The following SLC12A8 variants were observed in gnomAD, a reference collection of about 807,000 sequenced individuals.
SLC12A8 encodes the protein solute carrier family 12 member 8.
In SLC12A8, 69 loss-of-function variants were observed where a neutral mutation model predicts 75.6. The ratio of observed to expected loss-of-function variants is 0.91; its 90% CI spans 0.75 to 1.11. The LOEUF (loss-of-function observed/expected upper bound fraction) is 1.11. Among genes scored for constraint, SLC12A8 ranks in the 50% most tolerant of loss-of-function variants. The probability of loss-of-function intolerance (pLI) is 0.00; values close to 1 mark genes in which losing one functional copy is unlikely to be tolerated. For synonymous variants in SLC12A8, 365 were observed against 372.8 expected, an observed-to-expected ratio of 0.98 and a Z score of 0.24; for missense variants, 877 against 896.7, an observed-to-expected ratio of 0.98 and a Z score of 0.28.
intron 2 of SLC12A8, among the ~76,000 whole-genome samples, chr3:125,207,682 A>G (rs1392985515): frequency 6.6e-6 from 1 of 152,200 alleles, no homozygotes; most frequent in Non-Finnish European, 1.5e-5. Context: ...TTCTCCTGCC[A>G]ACGCAGTCTT....
At chr3:125,099,291 T>G (rs1329039857) in intron 10 of SLC12A8, among the ~76,000 whole-genome samples, 2 of 152,132 alleles carry the variant, frequency 1.3e-5, no homozygotes, top group Admixed American at 6.5e-5. Flanking sequence ...GATGCCACAG[T>G]TGAAATCCAG....
At chr3:125,189,413 C>CCGTG (rs561318672) in intron 3 of SLC12A8, among the ~76,000 whole-genome samples, 72 of 152,334 alleles carry the variant, frequency 4.7e-4, no homozygotes, top group African/African-American at 1.6e-3. Context: ...GTCCAGCTCA[C>CCGTG]CCTTCAAAGC....
At chr3:125,162,653 G>T (rs541855088) in intron 5 of SLC12A8, among the ~76,000 whole-genome samples, 67 of 152,168 alleles carry the variant, frequency 4.4e-4, no homozygotes, top group Non-Finnish European at 7.4e-4. Flanking sequence ...CCTATGTTGC[G>T]CTTGGACCTA....
intron 5 of SLC12A8, 52 bp downstream of exon 5, chr3:125,177,691 T>C: frequency 6.8e-7 from 1 of 1,469,276 alleles, no homozygotes; most frequent in Non-Finnish European, 9.5e-7. Flanking sequence ...TACAAACATC[T>C]CTAAAGCAGT....
intron 5 of SLC12A8, among the ~76,000 whole-genome samples, chr3:125,171,209 A>AAGGTAAAAATTAGGCCG (rs1934399787): frequency 3.6e-5 from 2 of 55,226 alleles, no homozygotes; most frequent in East Asian, 4.2e-4. Context: ...CTCCATTGAA[A>AAGGTAAAAATTAGGCCG]GATATCATCT....
intron 6 of SLC12A8, among the ~76,000 whole-genome samples, chr3:125,126,938 T>C (rs1376260361): frequency 6.6e-6 from 1 of 152,138 alleles, no homozygotes; most frequent in Non-Finnish European, 1.5e-5. Flanking sequence ...TTGGTGGCAA[T>C]GTGGCTCTGA....
chr3:125,180,337 C>A (rs1288696971), intron 4 of SLC12A8, among the ~76,000 whole-genome samples: 4 of 152,110 alleles, frequency 2.6e-5, no homozygotes, highest in Non-Finnish European at 5.9e-5. Flanking sequence ...ATGATAGTAA[C>A]CTTCAAAAGG....
chr3:125,129,477 G>C (rs11716082), intron 6 of SLC12A8, among the ~76,000 whole-genome samples: 35,004 of 151,436 alleles, frequency 0.23, 4,600 homozygotes, highest in African/African-American at 0.35. Flanking sequence ...GTGCAGTGAG[G>C]GGGCAGGGGG....
chr3:125,118,728 C>A, intron 8 of SLC12A8, 41 bp downstream of exon 8: 1 of 1,484,658 alleles, frequency 6.7e-7, no homozygotes, highest in South Asian at 1.2e-5. Flanking sequence ...ATAAATGACT[C>A]CGGCAGACTG....
intron 8 of SLC12A8, among the ~76,000 whole-genome samples, chr3:125,115,006 C>G (rs816154): frequency 0.02 from 3,003 of 152,072 alleles, 42 homozygotes; most frequent in Non-Finnish European, 0.029. Flanking sequence ...AAAATGTGTT[C>G]CTAAAATAAA....
At chr3:125,177,500 A>T (rs538558588) in intron 5 of SLC12A8, among the ~76,000 whole-genome samples, 1 of 152,196 alleles carries the variant, frequency 6.6e-6, no homozygotes, top group South Asian at 2.1e-4. Flanking sequence ...AATATACATT[A>T]AAAAAAGAAA....
intron 2 of SLC12A8, among the ~76,000 whole-genome samples, chr3:125,207,896 T>C (rs1935255919): frequency 6.6e-6 from 1 of 152,224 alleles, no homozygotes; most frequent in Admixed American, 6.5e-5. Flanking sequence ...GCATTTTACT[T>C]AGTGCTTGTC....
In SLC12A8 at chr3:125,143,841, CA is replaced by C. The variant is rs577488797; in HGVS notation, c.623-8060del. 4.4e-3 allele frequency among the ~76,000 whole-genome samples: 671 copies of C among 152,176 alleles called. 1 individual carries two copies. Among genetic ancestry groups the C allele is most frequent in the Non-Finnish European group, 6.7e-3 (455 of 67,990 alleles). On this transcript the variant is annotated intron_variant, in intron 5 of 13. Transcript: ENST00000469902. ...GGGAGGGAAGGGGCTGAAAGTGTCC[CA>C]TAACAAGAGCAGCTCCTGCCATGCC...
chr3:125,152,227 A>G (rs1260387211), intron 5 of SLC12A8, among the ~76,000 whole-genome samples: 5 of 152,222 alleles, frequency 3.3e-5, no homozygotes, highest in Non-Finnish European at 7.3e-5. Flanking sequence ...AAAGAAATAG[A>G]AATGTATATA....
intron 2 of SLC12A8, 134 bp from the exon 3 acceptor site, chr3:125,190,655 G>T: frequency 1.0e-6 from 1 of 995,080 alleles, no homozygotes; most frequent in Non-Finnish European, 1.5e-6. Flanking sequence ...CAGGGCAAGT[G>T]TGTGTGTATA....
intron 5 of SLC12A8, among the ~76,000 whole-genome samples, chr3:125,160,740 C>A (rs1424994346): frequency 1.3e-5 from 2 of 152,212 alleles, no homozygotes; most frequent in African/African-American, 2.4e-5. Context: ...CCTCCACCAG[C>A]CAGTGCCATA....
rs763392544 is a variant in SLC12A8, at chr3:125,211,307, C to A, written c.43G>T (p.Ala15Ser). ...SQVQELFHEAAQQDALAQPQP... is the reference protein window; with the variant it reads ...SQVQELFHEASQQDALAQPQP... ...GCACATCCTGAGCCTACCTGCTGGG[C>A]TGCCTCATGGAAGAGCTCCTGCACC... The change falls in exon 2 of 14, where the codon GCC becomes TCC. Residue 15 changes from alanine (A) to serine (S), a missense_variant. Transcript: ENST00000469902. The A allele has an allele frequency of 8.7e-6, 14 of 1,613,622 alleles. No homozygotes were observed. In the Admixed American group the frequency reaches 2.3e-4, roughly 27 times the overall value.
chr3:125,110,473 C>T, intron 8 of SLC12A8, 138 bp from the exon 9 acceptor site: 1 of 731,778 alleles, frequency 1.4e-6, no homozygotes, highest in Non-Finnish European at 2.2e-6. Context: ...ACAGTTTCCA[C>T]ATCCCCAGCC....
At chr3:125,084,276 C>G (rs955520439) in intron 13 of SLC12A8, among the ~76,000 whole-genome samples, 1 of 152,094 alleles carries the variant, frequency 6.6e-6, no homozygotes, top group Non-Finnish European at 1.5e-5. Flanking sequence ...GATATTTACC[C>G]TCCCTAAGTA....
Sources: gnomAD v4.1 joint callset for allele counts (sites outside exome capture counted in the v4.1 genomes callset) on GRCh38, gnomAD v4.1.1 for gene constraint, MANE v1.5 for transcripts, NCBI Gene and HGNC (gene_info 2026-07-23, HGNC 2026-07-21) for gene names.